Variants in SYT9 observed in about 807,000 individuals in gnomAD.
SYT9 encodes the protein synaptotagmin-9.
In SYT9, 22 loss-of-function variants were observed where a neutral mutation model predicts 48.4. That is an observed-to-expected ratio of 0.45 (90% confidence interval 0.32 to 0.65). The LOEUF (loss-of-function observed/expected upper bound fraction) is 0.65, where lower values mean the gene tolerates loss of function less well. Among genes scored for constraint, SYT9 ranks in the 30% least tolerant of loss-of-function variants. The pLI is 0.03. For synonymous variants in SYT9, 265 were observed against 245.0 expected (o/e 1.08, Z -0.76); for missense variants, 577 against 622.0 (o/e 0.93, Z 0.77).
intron 3 of SYT9, among the ~76,000 whole-genome samples, chr11:7,377,425 T>C (rs1850474503): frequency 6.6e-6 from 1 of 152,092 alleles, no homozygotes; most frequent in African/African-American, 2.4e-5. Flanking sequence ...TTTTAGGAAA[T>C]TGCACTGGAC....
At chr11:7,417,726 T>C (rs968731327) in intron 4 of SYT9, among the ~76,000 whole-genome samples, 1 of 152,214 alleles carries the variant, frequency 6.6e-6, no homozygotes, top group African/African-American at 2.4e-5. Context: ...TATTTTTAAA[T>C]TACACACATT....
chr11:7,437,434 A>C (rs561677003), intron 6 of SYT9, among the ~76,000 whole-genome samples: 1 of 152,340 alleles, frequency 6.6e-6, no homozygotes, highest in Admixed American at 6.5e-5. Context: ...TTTCATTAAA[A>C]ATAGACTACT....
chr11:7,452,516 C>G (rs918048270), intron 6 of SYT9, among the ~76,000 whole-genome samples: 2 of 152,188 alleles, frequency 1.3e-5, no homozygotes, highest in East Asian at 1.9e-4. Context: ...TGCTTCTATA[C>G]GGTCAAAATG....
intron 3 of SYT9, among the ~76,000 whole-genome samples, chr11:7,325,979 G>T (rs1284904069): frequency 1.5e-5 from 1 of 67,398 alleles, no homozygotes; most frequent in Non-Finnish European, 2.7e-5. Flanking sequence ...GATCATGGTG[G>T]ATAAGCTTTT....
intron 1 of SYT9, among the ~76,000 whole-genome samples, chr11:7,301,238 A>G (rs944345621): frequency 2.0e-4 from 30 of 152,204 alleles, no homozygotes; most frequent in African/African-American, 6.8e-4. Flanking sequence ...ACAGAGATAT[A>G]ATATTGTTTC....
At chr11:7,332,466 G>A (rs1849555821) in intron 3 of SYT9, among the ~76,000 whole-genome samples, 1 of 152,232 alleles carries the variant, frequency 6.6e-6, no homozygotes, top group East Asian at 1.9e-4. Flanking sequence ...GAACAATAGG[G>A]TCTATTGCAG....
chr11:7,303,533 A>G (rs1196262595), intron 2 of SYT9, 143 bp downstream of exon 2: 2 of 742,236 alleles, frequency 2.7e-6, no homozygotes, highest in African/African-American at 3.5e-5. Context: ...GGAAAACTCC[A>G]TGCTTCCTAC....
At chr11:7,260,656 T>C (rs1848061586) in intron 1 of SYT9, among the ~76,000 whole-genome samples, 2 of 152,208 alleles carry the variant, frequency 1.3e-5, no homozygotes, top group African/African-American at 4.8e-5. Context: ...TCCTGGTTCC[T>C]TATGGAAAAT....
At chr11:7,421,257 G>T (rs1275866155) in intron 6 of SYT9, among the ~76,000 whole-genome samples, 1 of 152,126 alleles carries the variant, frequency 6.6e-6, no homozygotes, top group African/African-American at 2.4e-5. Flanking sequence ...GTGTGGCTTT[G>T]TTCCTTGAAG....
chr11:7,331,021 A>T (rs1177866052), intron 3 of SYT9, among the ~76,000 whole-genome samples: 1 of 151,530 alleles, frequency 6.6e-6, no homozygotes, highest in African/African-American at 2.4e-5. Flanking sequence ...CTGGTCTCGA[A>T]CTCCTGACTC....
At chr11:7,386,701 GACT>G (rs931381386) in intron 3 of SYT9, among the ~76,000 whole-genome samples, 25 of 152,130 alleles carry the variant, frequency 1.6e-4, no homozygotes, top group African/African-American at 6.0e-4. Context: ...CTGTTGGTGG[GACT>G]GTAAACTAGT....
intron 3 of SYT9, among the ~76,000 whole-genome samples, chr11:7,315,544 A>G (rs897967150): frequency 3.9e-5 from 6 of 152,188 alleles, no homozygotes; most frequent in Non-Finnish European, 8.8e-5. Flanking sequence ...ATACTTTTTG[A>G]CAAATGGATT....
intron 6 of SYT9, among the ~76,000 whole-genome samples, chr11:7,447,646 T>C (rs866340530): frequency 1.3e-5 from 2 of 152,240 alleles, no homozygotes; most frequent in African/African-American, 2.4e-5. Context: ...TGAGAACAGA[T>C]ACTGTATCTC....
chr11:7,260,919 G>A (rs773316623), intron 1 of SYT9, among the ~76,000 whole-genome samples: 2 of 152,124 alleles, frequency 1.3e-5, no homozygotes, highest in Non-Finnish European at 2.9e-5. Context: ...ATTTAGTAAT[G>A]AAAAAGCAGT....
chr11:7,301,282 G>A (rs1028290895), intron 1 of SYT9, among the ~76,000 whole-genome samples: 2 of 152,186 alleles, frequency 1.3e-5, no homozygotes, highest in African/African-American at 4.8e-5. Context: ...GCGGCAAAGA[G>A]GAAGTATGTT....
chr11:7,319,749 T>G (rs1468797849), intron 3 of SYT9, among the ~76,000 whole-genome samples: 3 of 152,180 alleles, frequency 2.0e-5, no homozygotes, highest in Admixed American at 6.5e-5. Flanking sequence ...GTGTTGTTTA[T>G]CCTTTAACGA....
chr11:7,424,401 GCACGGCACCCTCCTC>G (rs1847415353), intron 6 of SYT9, among the ~76,000 whole-genome samples: 1 of 152,128 alleles, frequency 6.6e-6, no homozygotes, highest in African/African-American at 2.4e-5. Context: ...AGCTCCCTTA[GCACGGCACCCTCCTC>G]CACCAATTCA....
chr11:7,425,408 AAAG>A (rs1311337673), intron 6 of SYT9, among the ~76,000 whole-genome samples: 1 of 152,184 alleles, frequency 6.6e-6, no homozygotes, highest in African/African-American at 2.4e-5. Context: ...ATTCACCAGG[AAAG>A]ATGGGAGTGG....
intron 6 of SYT9, chr11:7,438,011 G>A (rs1319663001): frequency 6.6e-6 from 1 of 152,246 alleles, no homozygotes; most frequent in African/African-American, 2.4e-5. Context: ...TACACCAAGT[G>A]CTGTGGACAG....
Sources: allele counts gnomAD v4.1 joint callset (sites outside exome capture counted in the v4.1 genomes callset), GRCh38; gene constraint gnomAD v4.1.1; transcripts MANE v1.5; gene names NCBI Gene and HGNC (gene_info 2026-07-23, HGNC 2026-07-21).